Variants in IFTAP observed in about 807,000 individuals in gnomAD.
The protein encoded by IFTAP is intraflagellar transport associated protein, also known as intraflagellar transport-associated protein.
A neutral mutation model predicts 19.4 loss-of-function variants in IFTAP; 19 were observed. The ratio of observed to expected loss-of-function variants is 0.98; its 90% CI spans 0.68 to 1.44. The LOEUF (loss-of-function observed/expected upper bound fraction) is 1.44, where lower values mean the gene tolerates loss of function less well. Ranked by LOEUF, IFTAP falls within the 40% of genes most tolerant of loss-of-function variation. IFTAP has a pLI of 0.00. For synonymous variants in IFTAP, 85 were observed against 83.5 expected (o/e 1.02, Z -0.10); for missense variants, 240 against 253.6 (o/e 0.95, Z 0.36).
chr11:36,618,715 T>C (rs1235287094), intron 2 of IFTAP, among the ~76,000 whole-genome samples: 1 of 151,994 alleles, frequency 6.6e-6, no homozygotes, highest in Non-Finnish European at 1.5e-5. Context: ...GTAATGATGC[T>C]CAAGTTTGGA....
In IFTAP at chr11:36,610,061, G is replaced by T. The variant is rs759047637; in HGVS notation, c.-23-20G>T. ...TGGTATTGCCTGATTCTCTCTAGCT[G>T]GTATTTTTCTGTCTTGCAGATACTG... On this transcript the variant is annotated intron_variant, in intron 1 of 5. Coordinates refer to ENST00000334307, the MANE Select transcript of IFTAP (RefSeq NM_138787.4). The T allele has an allele frequency of 6.2e-7, 1 of 1,601,786 alleles. No homozygotes were observed. Among genetic ancestry groups the T allele is most frequent in the South Asian group, 1.1e-5 (1 of 89,556 alleles).
chr11:36,655,833 T>C (rs1046654237), intron 5 of IFTAP, among the ~76,000 whole-genome samples: 18 of 152,194 alleles, frequency 1.2e-4, no homozygotes, highest in African/African-American at 3.6e-4. Flanking sequence ...TGAAGGATAT[T>C]ATAAATGAAT....
At position 36,647,999 on chromosome 11, in the gene IFTAP, T is replaced by G; in HGVS notation, c.359-17T>G. On this transcript the variant is annotated splice_polypyrimidine_tract_variant and intron_variant, in intron 4 of 5. Transcript: ENST00000334307. ...AACTTTGCGAAAGGCTCAGTTGAAATGTTTTGTATCCAACAGATTTGCTGC... is the reference window on the plus strand; with the variant it reads ...AACTTTGCGAAAGGCTCAGTTGAAAGGTTTTGTATCCAACAGATTTGCTGC... The G allele has an allele frequency of 6.2e-7, 1 of 1,606,960 alleles. No homozygotes were observed. The highest frequency in any genetic ancestry group is 8.5e-7 in the Non-Finnish European group (1 of 1,176,142).
chr11:36,650,959 T>G (rs1215351982), intron 5 of IFTAP, among the ~76,000 whole-genome samples: 1 of 152,254 alleles, frequency 6.6e-6, no homozygotes. Context: ...CTATCATTGA[T>G]GGACATTTGG....
At chr11:36,655,971 A>T (rs12419177) in intron 5 of IFTAP, among the ~76,000 whole-genome samples, 21,993 of 152,022 alleles carry the variant, frequency 0.14, 2,437 homozygotes, top group East Asian at 0.59. Flanking sequence ...AAATGTATTT[A>T]AAAAAAACTT....
intron 1 of IFTAP, among the ~76,000 whole-genome samples, chr11:36,603,886 C>T (rs920985153): frequency 1.3e-5 from 2 of 150,280 alleles, no homozygotes; most frequent in Non-Finnish European, 3.0e-5. Context: ...TGCTCCACTG[C>T]ACTCGAGCCT....
chr11:36,596,222 G>GTTTTTTTTTTTTTTTT (rs67282079), intron 1 of IFTAP, among the ~76,000 whole-genome samples: 8 of 118,362 alleles, frequency 6.8e-5, no homozygotes, highest in African/African-American at 2.2e-4. Context: ...TTTTTTTTTT[G>GTTTTTTTTTTTTTTTT]TTTTTTTTTT....
At chr11:36,605,966 T>A (rs1428745474) in intron 1 of IFTAP, among the ~76,000 whole-genome samples, 1 of 152,240 alleles carries the variant, frequency 6.6e-6, no homozygotes, top group African/African-American at 2.4e-5. Context: ...AATGCATTGC[T>A]TCCTTTTAGA....
chr11:36,596,323 G>A lies in IFTAP; in HGVS notation c.-24+1731G>A, dbSNP rs186698719. ...TATTTTCAGTCTACTTGGGAGACTC[G>A]TAAGGGGGTGATCTTTCAACAATTA... On this transcript the variant is annotated intron_variant, in intron 1 of 5. Coordinates refer to ENST00000334307, the MANE Select transcript of IFTAP (RefSeq NM_138787.4). Among the ~76,000 whole-genome samples, 109 of 150,132 alleles carry A rather than the reference G, an allele frequency of 7.3e-4. No homozygotes were observed. In the South Asian group the frequency reaches 0.019, roughly 26 times the overall value.
At chr11:36,613,552 G>A (rs950345109) in intron 2 of IFTAP, among the ~76,000 whole-genome samples, 3 of 152,028 alleles carry the variant, frequency 2.0e-5, no homozygotes, top group Admixed American at 6.6e-5. Context: ...TTAGACTAAT[G>A]CATGATAAGT....
intron 2 of IFTAP, among the ~76,000 whole-genome samples, chr11:36,624,176 A>AG (rs1226226398): frequency 1.3e-5 from 2 of 152,116 alleles, no homozygotes; most frequent in African/African-American, 4.8e-5. Flanking sequence ...TACAAAAATT[A>AG]GAAAATACTC....
intron 1 of IFTAP, among the ~76,000 whole-genome samples, chr11:36,608,960 G>A (rs890395705): frequency 3.3e-5 from 5 of 152,156 alleles, no homozygotes; most frequent in African/African-American, 1.2e-4. Context: ...AATGAGTAAT[G>A]TTAGCTTAAT....
At chr11:36,652,559 G>A (rs958756003) in intron 5 of IFTAP, among the ~76,000 whole-genome samples, 1 of 152,118 alleles carries the variant, frequency 6.6e-6, no homozygotes. Flanking sequence ...TCTCCTGCCT[G>A]ATTGCCCTGG....
intron 1 of IFTAP, among the ~76,000 whole-genome samples, chr11:36,598,656 C>G (rs1298306004): frequency 6.6e-6 from 1 of 152,172 alleles, no homozygotes; most frequent in African/African-American, 2.4e-5. Context: ...ATTCGAGGCC[C>G]TCTACCAACT....
intron 4 of IFTAP, among the ~76,000 whole-genome samples, chr11:36,639,923 T>G (rs1197011315): frequency 3.3e-5 from 5 of 152,212 alleles, no homozygotes; most frequent in Non-Finnish European, 7.3e-5. Context: ...ATTCCTAATT[T>G]GCAACTTTAA....
At chr11:36,646,323 G>T (rs887573841) in intron 4 of IFTAP, among the ~76,000 whole-genome samples, 10 of 152,178 alleles carry the variant, frequency 6.6e-5, no homozygotes, top group African/African-American at 2.4e-4. Flanking sequence ...AGAGGCCCAA[G>T]CCTGTCTCTT....
chr11:36,604,180 A>G (rs1289881929), intron 1 of IFTAP, among the ~76,000 whole-genome samples: 2 of 152,194 alleles, frequency 1.3e-5, no homozygotes, highest in Admixed American at 6.5e-5. Flanking sequence ...AAAGCTTTGT[A>G]GTCAACAGTA....
intron 2 of IFTAP, among the ~76,000 whole-genome samples, chr11:36,625,934 C>G (rs1852493919): frequency 6.6e-6 from 1 of 151,566 alleles, no homozygotes; most frequent in Non-Finnish European, 1.5e-5. Context: ...ATAGCAGCAC[C>G]TGCCCAGCTG....
At chr11:36,611,903 A>G (rs1372645119) in intron 2 of IFTAP, among the ~76,000 whole-genome samples, 1 of 152,088 alleles carries the variant, frequency 6.6e-6, no homozygotes, top group African/African-American at 2.4e-5. Flanking sequence ...CTGGACCCAA[A>G]CAGCAATATG....
Sources: allele counts gnomAD v4.1 joint callset (sites outside exome capture counted in the v4.1 genomes callset), GRCh38; gene constraint gnomAD v4.1.1; transcripts MANE v1.5; gene names NCBI Gene and HGNC (gene_info 2026-07-23, HGNC 2026-07-21).